ZNF385D: variants seen among roughly 807,000 people sequenced by gnomAD.
The protein encoded by ZNF385D is zinc finger protein 385D.
Under a neutral mutation model 35.8 loss-of-function variants are expected in ZNF385D, and 15 were observed. That is an observed-to-expected ratio of 0.42 (90% confidence interval 0.28 to 0.64). The LOEUF (loss-of-function observed/expected upper bound fraction) is 0.64. Ranked by LOEUF, ZNF385D falls within the 30% of genes least tolerant of loss-of-function variation. The pLI is 0.23. For missense variants in ZNF385D, 474 were observed against 494.6 expected, an observed-to-expected ratio of 0.96 and a Z score of 0.39; for synonymous variants, 212 against 186.8, an observed-to-expected ratio of 1.13 and a Z score of -1.10.
intron 4 of ZNF385D, among the ~76,000 whole-genome samples, chr3:21,477,476 T>C (rs761751479): frequency 1.3e-5 from 2 of 151,984 alleles, no homozygotes; most frequent in Non-Finnish European, 2.9e-5. Flanking sequence ...TTGGTAGAAT[T>C]TGCATCATAT....
chr3:21,821,019 C>T (rs1205049427), intron 3 of ZNF385D, among the ~76,000 whole-genome samples: 3 of 151,868 alleles, frequency 2.0e-5, no homozygotes, highest in African/African-American at 7.2e-5. Flanking sequence ...CAAGAATACA[C>T]TAAATGGAGT....
At chr3:21,857,431 AT>A (rs577799546) in intron 3 of ZNF385D, among the ~76,000 whole-genome samples, 3 of 151,948 alleles carry the variant, frequency 2.0e-5, no homozygotes, top group South Asian at 4.2e-4. Context: ...GTTTTAAGAG[AT>A]TTTTTGTTGT....
chr3:22,063,868 G>C (rs772072154), intron 3 of ZNF385D, among the ~76,000 whole-genome samples: 4 of 152,184 alleles, frequency 2.6e-5, no homozygotes, highest in African/African-American at 9.7e-5. Flanking sequence ...AGCTCCTTAC[G>C]GGCTGGCTGA....
intron 3 of ZNF385D, among the ~76,000 whole-genome samples, chr3:22,084,316 T>A (rs1270144941): frequency 6.6e-6 from 1 of 152,152 alleles, no homozygotes; most frequent in East Asian, 1.9e-4. Context: ...CTCATCAGTG[T>A]ACTGTATTCA....
At chr3:21,748,172 G>A (rs1007103476) in intron 1 of ZNF385D, among the ~76,000 whole-genome samples, 1 of 152,226 alleles carries the variant, frequency 6.6e-6, no homozygotes, top group East Asian at 1.9e-4. Context: ...CTCAATAGGA[G>A]ATAAGAGTGA....
At chr3:21,573,644 GGAAA>G (rs2063400408) in intron 2 of ZNF385D, among the ~76,000 whole-genome samples, 1 of 151,862 alleles carries the variant, frequency 6.6e-6, no homozygotes, top group Non-Finnish European at 1.5e-5. Context: ...TTATAAGCAG[GGAAA>G]GAAACAAAAA....
chr3:21,763,051 C>A (rs947721844), intron 3 of ZNF385D, among the ~76,000 whole-genome samples: 4 of 152,048 alleles, frequency 2.6e-5, no homozygotes, highest in South Asian at 4.1e-4. Flanking sequence ...AAAATTAAGT[C>A]CCAAGTACCT....
chr3:22,178,501 A>G (rs1033316390), intron 2 of ZNF385D, among the ~76,000 whole-genome samples: 117 of 152,186 alleles, frequency 7.7e-4, no homozygotes, highest in Admixed American at 1.2e-3. Flanking sequence ...AGATGAGTAG[A>G]TTGCAAAAAT....
At chr3:21,711,039 GTTTTTTTTT>G (rs869252663) in intron 1 of ZNF385D, among the ~76,000 whole-genome samples, 1 of 83,154 alleles carries the variant, frequency 1.2e-5, no homozygotes, top group African/African-American at 5.1e-5. Context: ...CCCTCTAAAA[GTTTTTTTTT>G]TTTTTTTTTT....
intron 2 of ZNF385D, among the ~76,000 whole-genome samples, chr3:21,657,269 G>A (rs908164045): frequency 9.2e-5 from 14 of 151,900 alleles, no homozygotes; most frequent in Admixed American, 8.5e-4. Context: ...AGGAGAATGC[G>A]CTACCTATTC....
chr3:21,984,422 A>G (rs1461451321), intron 3 of ZNF385D, among the ~76,000 whole-genome samples: 2 of 128,000 alleles, frequency 1.6e-5, no homozygotes, highest in Non-Finnish European at 3.2e-5. Context: ...TTAAATAGGG[A>G]ATCCTTTCCC....
At chr3:21,536,960 C>T (rs545307354) in intron 3 of ZNF385D, among the ~76,000 whole-genome samples, 12 of 151,648 alleles carry the variant, frequency 7.9e-5, no homozygotes, top group Non-Finnish European at 1.5e-4. Flanking sequence ...GGTATAGTAA[C>T]GACAGAGTCA....
intron 3 of ZNF385D, among the ~76,000 whole-genome samples, chr3:21,559,965 G>T (rs1255687538): frequency 6.6e-6 from 1 of 152,074 alleles, no homozygotes; most frequent in Non-Finnish European, 1.5e-5. Flanking sequence ...TGATACTTGT[G>T]TATGCCTCAC....
intron 1 of ZNF385D, among the ~76,000 whole-genome samples, chr3:21,683,520 G>A (rs1482071038): frequency 6.7e-6 from 1 of 149,400 alleles, no homozygotes; most frequent in African/African-American, 2.5e-5. Context: ...CGAAGGCTGA[G>A]GGAAGAGAAT....
intron 3 of ZNF385D, among the ~76,000 whole-genome samples, chr3:22,148,261 A>G (rs1704990316): frequency 6.6e-6 from 1 of 152,206 alleles, no homozygotes; most frequent in Non-Finnish European, 1.5e-5. Flanking sequence ...TAAAAGAGCC[A>G]TAGTCCAGAA....
intron 3 of ZNF385D, among the ~76,000 whole-genome samples, chr3:22,130,872 T>C (rs1039696529): frequency 1.3e-5 from 2 of 152,154 alleles, no homozygotes; most frequent in Non-Finnish European, 2.9e-5. Flanking sequence ...CATTAGTGGG[T>C]TCTGTTTGGC....
At chr3:22,074,612 AGTTT>A (rs1233213561) in intron 3 of ZNF385D, among the ~76,000 whole-genome samples, 1 of 151,918 alleles carries the variant, frequency 6.6e-6, no homozygotes, top group Non-Finnish European at 1.5e-5. Context: ...ATATTTCCAT[AGTTT>A]GTTTAATTCC....
chr3:21,511,966 G>A (rs1388516873), intron 3 of ZNF385D, among the ~76,000 whole-genome samples: 1 of 151,466 alleles, frequency 6.6e-6, no homozygotes, highest in Non-Finnish European at 1.5e-5. Context: ...GGCCAACATG[G>A]TGAAACCCCA....
At chr3:21,666,100 CAAAGT>C (rs1168152152) in intron 1 of ZNF385D, among the ~76,000 whole-genome samples, 10 of 152,186 alleles carry the variant, frequency 6.6e-5, no homozygotes, top group Admixed American at 5.2e-4. Flanking sequence ...TTTTTAAAAA[CAAAGT>C]AGAGTGAGTC....
Sources: gnomAD v4.1 joint callset for allele counts (sites outside exome capture counted in the v4.1 genomes callset) on GRCh38, gnomAD v4.1.1 for gene constraint, MANE v1.5 for transcripts, NCBI Gene and HGNC (gene_info 2026-07-23, HGNC 2026-07-21) for gene names.